ZNF334: variants seen among roughly 807,000 people sequenced by gnomAD.
ZNF334 encodes zinc finger protein 334.
ZNF334 carries 14 observed loss-of-function variants against 12.4 expected under a neutral mutation model. The ratio of observed to expected loss-of-function variants is 1.13; its 90% CI spans 0.74 to 1.76. The LOEUF is 1.76. ZNF334 is among the 40% of genes most tolerant of loss of function. The pLI is 0.00. For missense variants in ZNF334, 797 were observed against 804.5 expected, an observed-to-expected ratio of 0.99 and a Z score of 0.11; for synonymous variants, 273 against 269.6, an observed-to-expected ratio of 1.01 and a Z score of -0.12.
At chr20:46,470,262 A>G in the ZNF334 span, among the ~76,000 whole-genome samples, 1 of 152,152 alleles carries the variant, frequency 6.6e-6, no homozygotes, top group African/African-American at 2.4e-5. Flanking sequence ...GAGATCTCCC[A>G]CCACCCCTTA....
At chr20:46,474,482 T>C in the ZNF334 span, 3 of 152,288 alleles carry the variant, frequency 2.0e-5, no homozygotes, top group South Asian at 6.2e-4. Flanking sequence ...TAAACAATTA[T>C]ATATATGTAT....
the ZNF334 span, chr20:46,492,652 G>A: frequency 6.6e-6 from 1 of 152,188 alleles, no homozygotes; most frequent in African/African-American, 2.4e-5. Flanking sequence ...AAAAGAGGAA[G>A]GTGAAGAAGG....
the ZNF334 span, among the ~76,000 whole-genome samples, chr20:46,466,315 G>A: frequency 6.6e-6 from 1 of 152,180 alleles, no homozygotes; most frequent in Middle Eastern, 3.4e-3. Flanking sequence ...GAAACGGTTT[G>A]TTGACTTCAT....
At chr20:46,488,711 A>G in the ZNF334 span, among the ~76,000 whole-genome samples, 8 of 151,666 alleles carry the variant, frequency 5.3e-5, no homozygotes, top group African/African-American at 1.9e-4. Flanking sequence ...CTCTGCTAGT[A>G]ATGAATTCTT....
chr20:46,506,471 A>T (rs989777686), intron 2 of ZNF334: 18 of 385,082 alleles, frequency 4.7e-5, no homozygotes, highest in Admixed American at 2.2e-4. Flanking sequence ...ACAAAAAAAT[A>T]AAAAAAAATT....
chr20:46,497,640 A>T (rs2061045813), downstream of ZNF334, among the ~76,000 whole-genome samples: 1 of 152,282 alleles, frequency 6.6e-6, no homozygotes, highest in African/African-American at 2.4e-5. Context: ...AGTAACTGAC[A>T]GAACAAAAAT....
At chr20:46,471,351 T>C in the ZNF334 span, among the ~76,000 whole-genome samples, 1 of 152,230 alleles carries the variant, frequency 6.6e-6, no homozygotes, top group Non-Finnish European at 1.5e-5. Context: ...ATATACAGTA[T>C]AAGAATACTG....
chr20:46,465,949 G>A, the ZNF334 span, among the ~76,000 whole-genome samples: 2 of 151,296 alleles, frequency 1.3e-5, no homozygotes, highest in South Asian at 2.1e-4. Context: ...GCGAAACTCC[G>A]TCTAAAAAAA....
intron 2 of ZNF334, among the ~76,000 whole-genome samples, chr20:46,508,186 G>T (rs1568874013): frequency 6.6e-6 from 1 of 152,232 alleles, no homozygotes; most frequent in Non-Finnish European, 1.5e-5. Context: ...TAAGTAGAAT[G>T]ATGATCCATT....
chr20:46,464,738 T>C, the ZNF334 span: 1 of 488,564 alleles, frequency 2.0e-6, no homozygotes, highest in Non-Finnish European at 4.1e-6. Flanking sequence ...CCTTGGTCAC[T>C]GCAGAAAGGG....
At position 46,500,968 on chromosome 20, in the gene ZNF334, T is replaced by C. The variant is rs1470713210; in HGVS notation, c.*328A>G. 4 of 248,694 alleles carry C rather than the reference T, an allele frequency of 1.6e-5. No individual in the cohort carries two copies. In the Admixed American group the frequency reaches 2.0e-4, roughly 12 times the overall value. The allele number at this position is 248,694 out of a possible 1,614,324, so 15.4% of individuals were successfully genotyped here. A position where few individuals can be genotyped will look rare whatever the true frequency, so the allele number is the denominator to read the frequency against. On this transcript the variant is annotated 3_prime_UTR_variant, in exon 5 of 5. Transcript: ENST00000692313. ...GATCCTCACACCTCGTAACATACAC[T>C]ATCAAGTAACACTGTGGGGAGGAAC... is the stretch of plus-strand genomic sequence containing the variant.
intron 2 of ZNF334, among the ~76,000 whole-genome samples, chr20:46,511,216 A>C (rs1038691694): frequency 6.1e-5 from 9 of 148,184 alleles, no homozygotes; most frequent in Admixed American, 6.0e-4. Flanking sequence ...ACATAGTGAG[A>C]CCTCATCTCA....
chr20:46,501,249 A>C lies in ZNF334; in HGVS notation c.*47T>G. On this transcript the variant is annotated 3_prime_UTR_variant, in exon 5 of 5. Coordinates refer to ENST00000692313, the MANE Select transcript of ZNF334 (RefSeq NM_001353824.2). Reference sequence around the variant, plus strand: ...CATACTCACAGTTTAGCATTGTGTAAGTTATTTGATTTGTTGCTTTGTTGG... The same window carrying C: ...CATACTCACAGTTTAGCATTGTGTACGTTATTTGATTTGTTGCTTTGTTGG... 1.3e-6 allele frequency: 2 copies of C among 1,572,254 alleles called. No individual in the cohort carries two copies. The highest frequency in any genetic ancestry group is 1.7e-6 in the Non-Finnish European group (2 of 1,160,640).
the ZNF334 span, chr20:46,476,944 T>G: frequency 1.3e-5 from 2 of 152,224 alleles, no homozygotes; most frequent in Non-Finnish European, 2.9e-5. Flanking sequence ...CATTTTCTAC[T>G]CATTGAAATG....
downstream of ZNF334, among the ~76,000 whole-genome samples, chr20:46,495,042 G>T (rs1242699472): frequency 6.6e-6 from 1 of 152,008 alleles, no homozygotes; most frequent in Non-Finnish European, 1.5e-5. Flanking sequence ...TTTCATTGGG[G>T]TTTTAATATT....
chr20:46,474,840 G>C, the ZNF334 span, among the ~76,000 whole-genome samples: 1 of 152,144 alleles, frequency 6.6e-6, no homozygotes, highest in Admixed American at 6.5e-5. Context: ...TTCACCAATT[G>C]GCATAAGCTT....
At chr20:46,466,515 G>A in the ZNF334 span, among the ~76,000 whole-genome samples, 4 of 152,080 alleles carry the variant, frequency 2.6e-5, no homozygotes, top group East Asian at 1.9e-4. Flanking sequence ...ACAGAGTCTC[G>A]CTCCGTTGCC....
chr20:46,511,190 G>C (rs540945653), intron 2 of ZNF334, among the ~76,000 whole-genome samples: 6 of 150,264 alleles, frequency 4.0e-5, no homozygotes, highest in Non-Finnish European at 5.9e-5. Context: ...CCAGGAGTTC[G>C]AGACCAGCCT....
At chr20:46,493,486 G>T in the ZNF334 span, among the ~76,000 whole-genome samples, 2 of 152,162 alleles carry the variant, frequency 1.3e-5, no homozygotes, top group Non-Finnish European at 2.9e-5. Context: ...GATGGTTTCT[G>T]CTGTCTTGTC....
Sources: allele counts gnomAD v4.1 joint callset (sites outside exome capture counted in the v4.1 genomes callset), GRCh38; gene constraint gnomAD v4.1.1; transcripts MANE v1.5; gene names NCBI Gene and HGNC (gene_info 2026-07-23, HGNC 2026-07-21).